Variants in PDE4B observed in about 807,000 individuals in gnomAD.
PDE4B encodes phosphodiesterase 4B, also known as 3',5'-cyclic-AMP phosphodiesterase 4B.
In PDE4B, 20 loss-of-function variants were observed where a neutral mutation model predicts 82.2. The ratio of observed to expected loss-of-function variants is 0.24; its 90% confidence interval spans 0.17 to 0.35. The LOEUF is 0.35. Among genes scored for constraint, PDE4B ranks in the 10% least tolerant of loss-of-function variants. PDE4B has a pLI of 1.00. For missense variants in PDE4B, 655 were observed against 907.2 expected (o/e 0.72, Z 3.57); for synonymous variants, 320 against 318.9 (o/e 1.00, Z -0.04).
At chr1:65,886,830 TAA>T in intron 1 of PDE4B, among the ~76,000 whole-genome samples, 1 of 152,212 alleles carries the variant, frequency 6.6e-6, no homozygotes, top group South Asian at 2.1e-4. Context: ...AATGCAGCGA[TAA>T]ACATGTAAGT....
intron 3 of PDE4B, among the ~76,000 whole-genome samples, chr1:65,962,819 G>T (rs12743648): frequency 0.17 from 25,621 of 152,098 alleles, 2,809 homozygotes; most frequent in Non-Finnish European, 0.24. Flanking sequence ...AATTAGGGGG[G>T]CCATGTAATT....
At chr1:66,146,712 G>A (rs1646280999) in intron 3 of PDE4B, among the ~76,000 whole-genome samples, 1 of 152,138 alleles carries the variant, frequency 6.6e-6, no homozygotes, top group Admixed American at 6.5e-5. Context: ...CTGTTTGGGA[G>A]CCTGCTTGCT....
intron 1 of PDE4B, among the ~76,000 whole-genome samples, chr1:65,804,779 G>A (rs1197318661): frequency 6.6e-6 from 1 of 152,058 alleles, no homozygotes; most frequent in Non-Finnish European, 1.5e-5. Flanking sequence ...AGGAGGAAGT[G>A]GGAGCTCTCT....
At chr1:66,163,710 A>G (rs1646664928) in intron 3 of PDE4B, among the ~76,000 whole-genome samples, 2 of 152,216 alleles carry the variant, frequency 1.3e-5, no homozygotes, top group South Asian at 4.1e-4. Flanking sequence ...TTAAAATGTC[A>G]TTTAAAGTTA....
chr1:66,177,877 G>T (rs1451876945), intron 3 of PDE4B, among the ~76,000 whole-genome samples: 2 of 152,004 alleles, frequency 1.3e-5, no homozygotes, highest in African/African-American at 4.8e-5. Context: ...ACAGGCTTTG[G>T]TGGGCATTGT....
intron 7 of PDE4B, among the ~76,000 whole-genome samples, chr1:66,307,160 G>T (rs1658338879): frequency 1.3e-5 from 2 of 152,048 alleles, no homozygotes; most frequent in Admixed American, 1.3e-4. Context: ...AGCTGGTGCA[G>T]AAGTGGAAAC....
intron 3 of PDE4B, among the ~76,000 whole-genome samples, chr1:65,920,471 T>G (rs1331340106): frequency 1.3e-5 from 2 of 152,250 alleles, no homozygotes; most frequent in African/African-American, 4.8e-5. Flanking sequence ...AAAGACATTT[T>G]GGGAGTTGTA....
intron 3 of PDE4B, among the ~76,000 whole-genome samples, chr1:66,101,120 C>T (rs958109411): frequency 3.3e-4 from 50 of 152,170 alleles, no homozygotes; most frequent in East Asian, 1.2e-3. Flanking sequence ...CTGAGAATGA[C>T]GGTTTCCAGC....
intron 7 of PDE4B, among the ~76,000 whole-genome samples, chr1:66,285,657 G>T (rs1656625423): frequency 6.6e-6 from 1 of 152,014 alleles, no homozygotes; most frequent in African/African-American, 2.4e-5. Context: ...CACTCATGTT[G>T]CTGTGAAAGA....
At chr1:66,054,342 A>G (rs1420532972) in intron 3 of PDE4B, among the ~76,000 whole-genome samples, 1 of 152,210 alleles carries the variant, frequency 6.6e-6, no homozygotes, top group Non-Finnish European at 1.5e-5. Flanking sequence ...ATAGCAAAAA[A>G]GCACATATTT....
At chr1:66,356,302 C>T (rs563906095) in intron 9 of PDE4B, among the ~76,000 whole-genome samples, 2 of 152,186 alleles carry the variant, frequency 1.3e-5, no homozygotes, top group Non-Finnish European at 2.9e-5. Flanking sequence ...AAAAAGATTG[C>T]ATGAATGGTC....
chr1:65,987,502 T>C (rs1651016234), intron 3 of PDE4B, among the ~76,000 whole-genome samples: 2 of 152,214 alleles, frequency 1.3e-5, no homozygotes, highest in African/African-American at 4.8e-5. Flanking sequence ...TATAAAAAGC[T>C]TGGATAGCAT....
At chr1:65,890,651 C>G (rs1203511976) in intron 1 of PDE4B, among the ~76,000 whole-genome samples, 1 of 151,872 alleles carries the variant, frequency 6.6e-6, no homozygotes, top group East Asian at 1.9e-4. Flanking sequence ...GAGAGTCCCA[C>G]GAGAGTGGTG....
rs146947689 is a variant in PDE4B, at chr1:66,090,621, A to ATGTG, written c.282-156823_282-156820dup. 2.0e-3 allele frequency among the ~76,000 whole-genome samples: 242 copies of ATGTG among 122,684 alleles called. 1 individual carries two copies. Among genetic ancestry groups the ATGTG allele is most frequent in the Middle Eastern group, 7.8e-3 (2 of 258 alleles). 80.5% of individuals were successfully genotyped at this position (122,684 alleles called of 152,430 possible). On this transcript the variant is annotated intron_variant, in intron 3 of 16. Coordinates refer to ENST00000341517, the MANE Select transcript of PDE4B (RefSeq NM_002600.4). ...TTATATATATATATGTATATAATATATGTGTGTGTGTGTGTGTGTATGTAC... is the reference window on the plus strand; with the variant it reads ...TTATATATATATATGTATATAATATATGTGTGTGTGTGTGTGTGTGTGTATGTAC...
At chr1:66,133,915 C>T (rs1646001857) in intron 3 of PDE4B, among the ~76,000 whole-genome samples, 1 of 152,138 alleles carries the variant, frequency 6.6e-6, no homozygotes, top group African/African-American at 2.4e-5. Context: ...CTGACTTTCC[C>T]TATTTCTCCC....
chr1:65,889,601 C>T (rs1407888867), intron 1 of PDE4B, among the ~76,000 whole-genome samples: 3 of 152,118 alleles, frequency 2.0e-5, no homozygotes, highest in African/African-American at 2.4e-5. Context: ...AAGGAAAACA[C>T]ATGCTGCTTC....
chr1:66,101,209 A>C (rs977956707), intron 3 of PDE4B, among the ~76,000 whole-genome samples: 1 of 152,000 alleles, frequency 6.6e-6, no homozygotes, highest in African/African-American at 2.4e-5. Flanking sequence ...TATGTGCCAC[A>C]TTTTCTTAAT....
chr1:66,208,602 G>A (rs1363818803), intron 3 of PDE4B, among the ~76,000 whole-genome samples: 5 of 152,074 alleles, frequency 3.3e-5, no homozygotes, highest in African/African-American at 1.2e-4. Flanking sequence ...CTTTAACATA[G>A]TAAGCTTATT....
At chr1:66,087,812 A>G (rs10889598) in intron 3 of PDE4B, among the ~76,000 whole-genome samples, 67,336 of 146,026 alleles carry the variant, frequency 0.46, 16,091 homozygotes, top group Non-Finnish European at 0.53. Flanking sequence ...GGTGGGAATT[A>G]AACAATGAGA....
Sources: gnomAD v4.1 joint callset for allele counts (sites outside exome capture counted in the v4.1 genomes callset) on GRCh38, gnomAD v4.1.1 for gene constraint, MANE v1.5 for transcripts, NCBI Gene and HGNC (gene_info 2026-07-23, HGNC 2026-07-21) for gene names.